Variants in ELK3 observed in about 807,000 individuals in gnomAD.
The protein encoded by ELK3 is ETS domain-containing protein Elk-3.
A neutral mutation model predicts 28.9 loss-of-function variants in ELK3; 10 were observed. The observed-to-expected ratio is 0.35, with a 90% CI of 0.21 to 0.59. The LOEUF (loss-of-function observed/expected upper bound fraction) is 0.59. ELK3 is among the 20% of genes least tolerant of loss of function. The pLI, the probability that ELK3 is intolerant of heterozygous loss-of-function variation, is 0.82. For synonymous variants in ELK3, 272 were observed against 243.5 expected (o/e 1.12, Z -1.09); for missense variants, 463 against 517.3 (o/e 0.90, Z 1.02).
chr12:96,234,300 G>A (rs561205777), intron 2 of ELK3, among the ~76,000 whole-genome samples: 61 of 152,318 alleles, frequency 4.0e-4, no homozygotes, highest in African/African-American at 1.4e-3. Context: ...ATGCTTCTGC[G>A]CCAGGGGCTC....
rs764133272 is a variant in ELK3, at chr12:96,247,155, C to G, written c.423C>G (p.Gly141=). The change falls in exon 3 of 5, where the codon GGC becomes GGG. Residue 141 remains glycine (G), a synonymous_variant. Coordinates refer to ENST00000228741, the MANE Select transcript of ELK3 (RefSeq NM_005230.4). This position sits in a 1 kb window ranked among gnomAD's most constrained non-coding sequence, Gnocchi z 5.5. The part of the protein sequence containing the change: ...STSRNEYIHS[G]LYSSFTINSL... ...GCCGCAACGAATACATCCACTCAGG[C>G]CTGTACTCGTCCTTCACCATTAATT... 1.2e-6 allele frequency: 2 copies of G among 1,614,062 alleles called. No individual in the cohort carries two copies. Among genetic ancestry groups the G allele is most frequent in the South Asian group, 2.2e-5 (2 of 91,066 alleles).
chr12:96,219,801 C>T (rs1951649451), intron 1 of ELK3, among the ~76,000 whole-genome samples: 1 of 152,142 alleles, frequency 6.6e-6, no homozygotes, highest in Admixed American at 6.5e-5. Context: ...CGACTTAGCT[C>T]TGAGTAATGT....
chr12:96,201,375 T>A (rs1948179317), intron 1 of ELK3, among the ~76,000 whole-genome samples: 1 of 151,954 alleles, frequency 6.6e-6, no homozygotes, highest in Non-Finnish European at 1.5e-5. Context: ...CATCCCAGCA[T>A]TTTGGGAGGC....
At chr12:96,234,450 C>G (rs1194431561) in intron 2 of ELK3, among the ~76,000 whole-genome samples, 1 of 152,086 alleles carries the variant, frequency 6.6e-6, no homozygotes, top group African/African-American at 2.4e-5. Context: ...GTTGTGTAGA[C>G]AAACTCACAA....
At chr12:96,249,346 T>C (rs1409789333) in intron 3 of ELK3, among the ~76,000 whole-genome samples, 1 of 152,138 alleles carries the variant, frequency 6.6e-6, no homozygotes, top group Non-Finnish European at 1.5e-5. Flanking sequence ...CAGGATTTCA[T>C]GACAGCTCAA....
chr12:96,261,832 G>A (rs1426406375), intron 4 of ELK3, among the ~76,000 whole-genome samples: 2 of 152,124 alleles, frequency 1.3e-5, no homozygotes, highest in African/African-American at 2.4e-5. Context: ...CACGTTATCA[G>A]GATCTCTGGG....
At chr12:96,213,437 A>T (rs541174888) in intron 1 of ELK3, among the ~76,000 whole-genome samples, 19 of 152,310 alleles carry the variant, frequency 1.2e-4, no homozygotes, top group African/African-American at 4.3e-4. Flanking sequence ...CCCGCTCTGA[A>T]AATGTAGGAT....
intron 3 of ELK3, among the ~76,000 whole-genome samples, chr12:96,257,861 G>A (rs1951962654): frequency 6.6e-6 from 1 of 152,184 alleles, no homozygotes; most frequent in Non-Finnish European, 1.5e-5. Context: ...CCCTCACATA[G>A]ATGAAGTACG....
chr12:96,230,603 A>C (rs1394619423), intron 2 of ELK3, among the ~76,000 whole-genome samples: 1 of 152,214 alleles, frequency 6.6e-6, no homozygotes, highest in Admixed American at 6.5e-5. Flanking sequence ...AGGTCCACCC[A>C]AGAGGAGTCC....
chr12:96,234,818 T>G (rs1951769240), intron 2 of ELK3, among the ~76,000 whole-genome samples: 1 of 151,748 alleles, frequency 6.6e-6, no homozygotes, highest in Admixed American at 6.6e-5. Context: ...AGACTAAGAG[T>G]GTTGACCCCC....
chr12:96,196,093 A>T (rs1406487449), intron 1 of ELK3, among the ~76,000 whole-genome samples: 1 of 152,150 alleles, frequency 6.6e-6, no homozygotes, highest in South Asian at 2.1e-4. Context: ...GAGCCCCCTT[A>T]GTCATTGCTA....
At chr12:96,213,122 A>G (rs746248916) in intron 1 of ELK3, among the ~76,000 whole-genome samples, 1 of 152,228 alleles carries the variant, frequency 6.6e-6, no homozygotes, top group Non-Finnish European at 1.5e-5. Flanking sequence ...GCATATACGA[A>G]GGGGGCATAG....
At chr12:96,266,713 C>A (rs943138010) in intron 4 of ELK3, among the ~76,000 whole-genome samples, 61 of 152,188 alleles carry the variant, frequency 4.0e-4, no homozygotes, top group African/African-American at 1.5e-3. Flanking sequence ...TCAAAACACT[C>A]TTTTAATATT....
intron 4 of ELK3, 48 bp downstream of exon 4, chr12:96,259,901 G>GT (rs1951980817): frequency 1.0e-5 from 16 of 1,531,378 alleles, no homozygotes; most frequent in Non-Finnish European, 1.4e-5. Context: ...CTGAGGGATG[G>GT]TTTTTTCTCT....
chr12:96,248,585 T>C (rs1451810935), intron 3 of ELK3, among the ~76,000 whole-genome samples: 1 of 152,286 alleles, frequency 6.6e-6, no homozygotes, highest in Non-Finnish European at 1.5e-5. Context: ...CTGTGGGCGG[T>C]TGCTCTCTGG....
intron 1 of ELK3, among the ~76,000 whole-genome samples, chr12:96,222,051 G>T (rs989217271): frequency 1.3e-5 from 2 of 152,088 alleles, no homozygotes; most frequent in Admixed American, 6.5e-5. Context: ...CTATCCAAGG[G>T]GATGATCCCT....
intron 1 of ELK3, among the ~76,000 whole-genome samples, chr12:96,204,610 A>G (rs1245510835): frequency 6.6e-6 from 1 of 152,222 alleles, no homozygotes; most frequent in Non-Finnish European, 1.5e-5. Flanking sequence ...AGCAGCAGCA[A>G]CATCAAAATA....
chr12:96,220,264 C>G (rs1951652655), intron 1 of ELK3, among the ~76,000 whole-genome samples: 1 of 152,036 alleles, frequency 6.6e-6, no homozygotes, highest in Admixed American at 6.6e-5. Flanking sequence ...TTCTCTCCTT[C>G]TACCTTTGCC....
intron 1 of ELK3, among the ~76,000 whole-genome samples, chr12:96,213,536 A>G (rs993689037): frequency 1.3e-5 from 2 of 152,176 alleles, no homozygotes; most frequent in Non-Finnish European, 2.9e-5. Flanking sequence ...ACATTTTCTC[A>G]GCCAGTGTTA....
Sources: gnomAD v4.1 joint callset for allele counts (sites outside exome capture counted in the v4.1 genomes callset) on GRCh38, gnomAD v4.1.1 for gene constraint, Gnocchi (gnomAD v3.1) non-coding constraint, MANE v1.5 for transcripts, NCBI Gene and HGNC (gene_info 2026-07-23, HGNC 2026-07-21) for gene names.